The following AMD1 variants were observed in gnomAD, a reference collection of about 807,000 sequenced individuals.
AMD1 encodes the protein adenosylmethionine decarboxylase 1.
In AMD1, 11 loss-of-function variants were observed where a neutral mutation model predicts 40.2. The observed-to-expected ratio is 0.27, with a 90% confidence interval of 0.17 to 0.45. AMD1 has a LOEUF of 0.45. Among genes scored for constraint, AMD1 ranks in the 20% least tolerant of loss-of-function variants. The pLI, the probability that AMD1 is intolerant of heterozygous loss-of-function variation, is 1.00. For synonymous variants in AMD1, 121 were observed against 130.8 expected (o/e 0.93, Z 0.51); for missense variants, 257 against 410.2 (o/e 0.63, Z 3.23).
At chr6:110,815,220 C>T in the AMD1 span, 1 of 1,389,156 alleles carries the variant, frequency 7.2e-7, no homozygotes, top group Non-Finnish European at 9.4e-7. Flanking sequence ...ACCGCCGCTC[C>T]ACTTCTCCAA....
chr6:110,892,600 C>T (rs1786084479), intron 6 of AMD1, 135 bp from the exon 7 acceptor site: 2 of 1,387,820 alleles, frequency 1.4e-6, no homozygotes, highest in East Asian at 2.3e-5. Flanking sequence ...TATTTCGTCA[C>T]CCAGGTGTTA....
chr6:110,852,246 G>A, the AMD1 span, among the ~76,000 whole-genome samples: 2 of 111,362 alleles, frequency 1.8e-5, no homozygotes, highest in South Asian at 5.9e-4. Context: ...TTTTGAGAAG[G>A]AGTCTCTCTC....
At chr6:110,823,283 A>G in the AMD1 span, among the ~76,000 whole-genome samples, 1 of 152,248 alleles carries the variant, frequency 6.6e-6, no homozygotes, top group Non-Finnish European at 1.5e-5. Flanking sequence ...TGAATGGGGA[A>G]GAGTTGAAAG....
chr6:110,864,384 A>G, the AMD1 span: 2 of 153,164 alleles, frequency 1.3e-5, no homozygotes, highest in Non-Finnish European at 2.9e-5. Flanking sequence ...GGAAGAACTA[A>G]TTCCTCAGTG....
chr6:110,840,374 T>G, the AMD1 span, among the ~76,000 whole-genome samples: 1 of 152,016 alleles, frequency 6.6e-6, no homozygotes, highest in Non-Finnish European at 1.5e-5. Flanking sequence ...CAGTCCCAAG[T>G]CCAGGCCTTT....
At position 110,875,086 on chromosome 6, in the gene AMD1, T is replaced by G. The variant is rs1215030591; in HGVS notation, c.-20T>G. On this transcript the variant is annotated 5_prime_UTR_variant, in exon 1 of 9. Transcript: ENST00000368885. ...TAGTTGATTTTCTGTGGTTGTTGGT[T>G]GTTCGCTAGTCTCACGGTGATGGAA... The G allele has an allele frequency of 6.3e-7, 1 of 1,598,554 alleles. No individual in the cohort carries two copies. Among genetic ancestry groups the G allele is most frequent in the South Asian group, 1.1e-5 (1 of 90,002 alleles).
chr6:110,849,208 T>G, the AMD1 span, among the ~76,000 whole-genome samples: 1 of 152,232 alleles, frequency 6.6e-6, no homozygotes, highest in East Asian at 1.9e-4. Context: ...ACATCTGTAC[T>G]ATTCTTGAGT....
the AMD1 span, among the ~76,000 whole-genome samples, chr6:110,838,089 G>C: frequency 6.9e-6 from 1 of 145,914 alleles, no homozygotes; most frequent in Admixed American, 6.9e-5. Context: ...AAAATCCTCT[G>C]ATACATGAAA....
the AMD1 span, among the ~76,000 whole-genome samples, chr6:110,835,325 A>G: frequency 2.1e-3 from 323 of 152,048 alleles, 1 homozygote; most frequent in African/African-American, 7.5e-3. Context: ...GCCTGTGGAT[A>G]CTATTATATG....
the AMD1 span, among the ~76,000 whole-genome samples, chr6:110,828,905 T>C: frequency 2.0e-5 from 3 of 152,072 alleles, no homozygotes; most frequent in Non-Finnish European, 2.9e-5. Context: ...GGCGCGGTGG[T>C]TCACGCCTGT....
chr6:110,887,642 A>G (rs976418132), intron 2 of AMD1, 51 bp downstream of exon 2: 4 of 1,302,950 alleles, frequency 3.1e-6, no homozygotes, highest in Non-Finnish European at 4.3e-6. Context: ...CCTAATCATA[A>G]TGTGAAACAG....
At chr6:110,829,249 C>A in the AMD1 span, among the ~76,000 whole-genome samples, 2 of 151,580 alleles carry the variant, frequency 1.3e-5, no homozygotes, top group African/African-American at 4.8e-5. Flanking sequence ...AATGAATTTT[C>A]GGCTGAGTGC....
At chr6:110,857,172 T>A in the AMD1 span, among the ~76,000 whole-genome samples, 1 of 147,040 alleles carries the variant, frequency 6.8e-6, no homozygotes, top group South Asian at 2.1e-4. Flanking sequence ...CTCAAAAAAA[T>A]AAATAAATAA....
At chr6:110,889,823 T>A (rs1439189277) in intron 3 of AMD1, 1 of 155,050 alleles carries the variant, frequency 6.4e-6, no homozygotes, top group Admixed American at 6.4e-5. Flanking sequence ...TTGTTATGAA[T>A]TGATCCTTGT....
the AMD1 span, chr6:110,858,769 C>T: frequency 1.3e-6 from 1 of 761,864 alleles, no homozygotes; most frequent in East Asian, 2.4e-5. Context: ...AATGCACCAG[C>T]CAGTCGGGCA....
chr6:110,827,788 C>T, the AMD1 span, among the ~76,000 whole-genome samples: 1 of 150,180 alleles, frequency 6.7e-6, no homozygotes, highest in Non-Finnish European at 1.5e-5. Context: ...AAAAACACTA[C>T]GAGAATGTTG....
chr6:110,825,730 T>C, the AMD1 span, among the ~76,000 whole-genome samples: 1 of 152,192 alleles, frequency 6.6e-6, no homozygotes, highest in East Asian at 1.9e-4. Flanking sequence ...TACTTAAACA[T>C]TGATTAAAAG....
chr6:110,823,316 A>G, the AMD1 span, among the ~76,000 whole-genome samples: 1 of 152,208 alleles, frequency 6.6e-6, no homozygotes, highest in Non-Finnish European at 1.5e-5. Flanking sequence ...GAGCTGGAAC[A>G]AGACAAGAAT....
intron 1 of AMD1, among the ~76,000 whole-genome samples, chr6:110,883,376 C>G (rs1236423668): frequency 6.6e-6 from 1 of 152,116 alleles, no homozygotes; most frequent in Admixed American, 6.5e-5. Context: ...GCCAGAAACC[C>G]AGAACTGAAA....
Sources: gnomAD v4.1 joint callset for allele counts (sites outside exome capture counted in the v4.1 genomes callset) on GRCh38, gnomAD v4.1.1 for gene constraint, MANE v1.5 for transcripts, NCBI Gene and HGNC (gene_info 2026-07-23, HGNC 2026-07-21) for gene names.